Variants in ZNF454 observed in about 807,000 individuals in gnomAD.
ZNF454 encodes zinc finger protein 454.
Under a neutral mutation model 48.2 loss-of-function variants are expected in ZNF454, and 30 were observed. The ratio of observed to expected loss-of-function variants is 0.62; its 90% CI spans 0.47 to 0.84. The LOEUF is 0.84. Among genes scored for constraint, ZNF454 ranks in the 40% least tolerant of loss-of-function variants. The pLI is 0.00. For missense variants in ZNF454, 510 were observed against 623.1 expected (o/e 0.82, Z 1.93); for synonymous variants, 204 against 211.4 (o/e 0.97, Z 0.30).
the ZNF454 span, chr5:178,980,249 G>A: frequency 6.5e-6 from 1 of 154,370 alleles, no homozygotes. The surrounding 1 kb of genome is among the most constrained non-coding windows in gnomAD (Gnocchi z 4.3). Flanking sequence ...TTAAACAGTG[G>A]TCAATTTAAC....
the ZNF454 span, chr5:178,982,990 C>T: frequency 3.0e-5 from 49 of 1,614,032 alleles, no homozygotes; most frequent in South Asian, 5.5e-5. Flanking sequence ...ATGGTGAAGC[C>T]GATGGGCTTG....
chr5:178,989,496 G>T, the ZNF454 span: 2 of 1,520,976 alleles, frequency 1.3e-6, no homozygotes, highest in South Asian at 1.1e-5. Context: ...CTTTCAGCTA[G>T]GAGTGGCCAG....
intron 4 of ZNF454, 130 bp from the exon 5 acceptor site, chr5:178,964,525 C>T: frequency 1.3e-6 from 1 of 756,148 alleles, no homozygotes; most frequent in South Asian, 1.7e-5. Flanking sequence ...TCTGTCCTTT[C>T]TTGTTGTTAC....
In ZNF454 at chr5:178,942,780, G is replaced by C. The variant is rs200585497; in HGVS notation, c.-12G>C. 71 of 1,613,844 alleles carry C rather than the reference G, an allele frequency of 4.4e-5. No individual in the cohort carries two copies. Among genetic ancestry groups the C allele is most frequent in the Middle Eastern group, 3.3e-4 (2 of 6,084 alleles). ...TTGCCTGTCCCTAAGAGGGCTCATC[G>C]GAGAAGAAAGAATGGCTGTCAGCCA... On this transcript the variant is annotated 5_prime_UTR_variant, in exon 2 of 5. Transcript: ENST00000519564.
chr5:178,977,473 G>T, the ZNF454 span: 1 of 455,574 alleles, frequency 2.2e-6, no homozygotes, highest in South Asian at 1.6e-5. Flanking sequence ...TTTTTTAGAA[G>T]CCACTGAGTC....
At chr5:178,985,622 G>T in the ZNF454 span, 14 of 362,488 alleles carry the variant, frequency 3.9e-5, no homozygotes, top group East Asian at 2.4e-4. Context: ...AGAATGGCGT[G>T]AACCCGGAAG....
the ZNF454 span, chr5:178,983,106 G>C: frequency 6.2e-7 from 1 of 1,614,078 alleles, no homozygotes; most frequent in Non-Finnish European, 8.5e-7. Flanking sequence ...AGACAGATCC[G>C]ACATGTCGCA....
the ZNF454 span, chr5:178,989,505 A>G: frequency 1.4e-6 from 2 of 1,471,676 alleles, no homozygotes; most frequent in South Asian, 2.3e-5. Flanking sequence ...AGGAGTGGCC[A>G]GGTGAGCTAG....
downstream of ZNF454, among the ~76,000 whole-genome samples, chr5:178,966,812 C>T (rs894706153): frequency 6.6e-6 from 1 of 152,122 alleles, no homozygotes; most frequent in Non-Finnish European, 1.5e-5. Context: ...CCTTTTGCTT[C>T]AAACCATCCA....
chr5:178,968,926 GC>G, downstream of ZNF454: 1 of 454,672 alleles, frequency 2.2e-6, no homozygotes. Flanking sequence ...CAGGCTGAAG[GC>G]CCCCATCTGA....
chr5:178,951,959 C>A (rs1019275300), intron 4 of ZNF454, among the ~76,000 whole-genome samples: 1 of 151,824 alleles, frequency 6.6e-6, no homozygotes, highest in African/African-American at 2.4e-5. Context: ...TCTAAAAATT[C>A]TGTTAGTCTT....
At chr5:178,943,913 G>C (rs1193410223) in intron 2 of ZNF454, among the ~76,000 whole-genome samples, 1 of 152,102 alleles carries the variant, frequency 6.6e-6, no homozygotes, top group Non-Finnish European at 1.5e-5. Context: ...TGTAGTCCCA[G>C]CTACTCGGGA....
In ZNF454 at chr5:178,957,340, A is replaced by AG. The variant is rs397797080; in HGVS notation, c.251-7315_251-7314insG. On this transcript the variant is annotated intron_variant, in intron 4 of 4. Coordinates refer to ENST00000519564, the MANE Select transcript of ZNF454 (RefSeq NM_001178089.3). ...ACATTATATAGGAGGCTTGGAACAT[A>AG]CTACTTGCATGCCACTTCAAAGCCT... 4.7e-5 allele frequency among the ~76,000 whole-genome samples: 7 copies of AG among 149,626 alleles called. No homozygotes were observed. In the East Asian group the frequency reaches 1.8e-3, roughly 38 times the overall value.
At chr5:178,986,946 T>C in the ZNF454 span, 1,010,138 of 1,613,232 alleles carry the variant, frequency 0.63, 319,953 homozygotes, top group Non-Finnish European at 0.65. Context: ...CGGGCGCATC[T>C]CCGTTCTCGT....
chr5:178,976,460 G>T, the ZNF454 span, among the ~76,000 whole-genome samples: 2 of 152,264 alleles, frequency 1.3e-5, no homozygotes, highest in South Asian at 4.1e-4. Context: ...AGCAGTCTGT[G>T]GGGGGCAGTG....
rs925850267 is a variant in ZNF454, at chr5:178,944,501, A to G, written c.33+1677A>G. Among the ~76,000 whole-genome samples the G allele has an allele frequency of 1.2e-4, 19 of 152,184 alleles. No individual in the cohort carries two copies. Among genetic ancestry groups the G allele is most frequent in the African/African-American group, 4.6e-4 (19 of 41,440 alleles). On this transcript the variant is annotated intron_variant, in intron 2 of 4. Transcript: ENST00000519564. This position sits in a 1 kb window ranked among gnomAD's most constrained non-coding sequence, Gnocchi z 4.1. ...GGCTACAAATACAAAGTGAACGATA[A>G]ATGGGCCCTGACAAATTGGTTCATG...
chr5:178,949,770 C>G (rs868603360), intron 4 of ZNF454, among the ~76,000 whole-genome samples: 29 of 152,218 alleles, frequency 1.9e-4, no homozygotes, highest in Middle Eastern at 6.8e-3. Context: ...GTGTGCACCA[C>G]CATGCCCAGC....
At chr5:178,975,778 G>T in the ZNF454 span, 1 of 365,776 alleles carries the variant, frequency 2.7e-6, no homozygotes, top group Non-Finnish European at 5.7e-6. Flanking sequence ...TCTAGATGTT[G>T]CTGTGAAGGT....
At chr5:178,961,688 C>T (rs1423485788) in intron 4 of ZNF454, among the ~76,000 whole-genome samples, 1 of 151,070 alleles carries the variant, frequency 6.6e-6, no homozygotes, top group Admixed American at 6.7e-5. Context: ...GGCATGGCAG[C>T]GTGCACCTGT....
Sources: gnomAD v4.1 joint callset for allele counts (sites outside exome capture counted in the v4.1 genomes callset) on GRCh38, gnomAD v4.1.1 for gene constraint, Gnocchi (gnomAD v3.1) non-coding constraint, MANE v1.5 for transcripts, NCBI Gene and HGNC (gene_info 2026-07-23, HGNC 2026-07-21) for gene names.